WDR72: variants seen among roughly 807,000 people sequenced by gnomAD.
The protein encoded by WDR72 is WD repeat domain 72, also known as WD repeat-containing protein 72.
In WDR72, 120 loss-of-function variants were observed where a neutral mutation model predicts 124.2. The observed-to-expected ratio is 0.97, with a 90% CI of 0.83 to 1.12. WDR72 has a LOEUF of 1.12. Ranked by LOEUF, WDR72 falls within the 50% of genes most tolerant of loss-of-function variation. WDR72 has a pLI of 0.00. For synonymous variants in WDR72, 452 were observed against 441.7 expected (o/e 1.02, Z -0.29); for missense variants, 1,387 against 1,278.8 (o/e 1.08, Z -1.29).
Position 53,699,901 on chromosome 15 carries a change from G to T in WDR72, c.1614C>A (p.Ser538=), listed in dbSNP as rs146989277. 6.2e-7 allele frequency: 1 copy of T among 1,614,138 alleles called. No individual in the cohort carries two copies. The highest frequency in any genetic ancestry group is 1.3e-5 in the African/African-American group (1 of 75,028). Residue 538 remains serine, a synonymous_variant, in exon 13 of 20, where the codon TCC becomes TCA. Transcript: ENST00000360509. ...TTCCCTCAAGGTGAAGGAGAGCCACGGAATGGTCACCGCACACACAGCAAA... is the reference window on the plus strand; with the variant it reads ...TTCCCTCAAGGTGAAGGAGAGCCACTGAATGGTCACCGCACACACAGCAAA... The part of the protein sequence containing the change: ...QIICCVCGDH[S]VALLHLEGKS...
In WDR72 at chr15:53,623,201, T is replaced by A. The variant is rs564366161; in HGVS notation, c.1963-6958A>T. ...TGCAGATTTGTGGTTTGGGATATGA[T>A]TGATCCCAACACCCAGGTACTGAGC... On this transcript the variant is annotated intron_variant, in intron 14 of 19. Transcript: ENST00000360509. Among the ~76,000 whole-genome samples the A allele has an allele frequency of 7.3e-4, 111 of 152,226 alleles. 1 individual carries two copies. Among genetic ancestry groups the A allele is most frequent in the African/African-American group, 2.6e-3 (109 of 41,540 alleles).
intron 18 of WDR72, 34 bp from the exon 19 acceptor site, chr15:53,523,356 G>T: frequency 6.3e-7 from 1 of 1,578,222 alleles, no homozygotes; most frequent in African/African-American, 1.3e-5. Flanking sequence ...GAGAGAGACA[G>T]AAGAGAGAGG....
chr15:53,636,800 G>A (rs1225111219), intron 14 of WDR72, among the ~76,000 whole-genome samples: 1 of 152,112 alleles, frequency 6.6e-6, no homozygotes. Flanking sequence ...GACTGGAAGA[G>A]GCAACTTTTA....
At chr15:53,659,966 T>C (rs980675688) in intron 14 of WDR72, among the ~76,000 whole-genome samples, 4 of 152,044 alleles carry the variant, frequency 2.6e-5, no homozygotes, top group Non-Finnish European at 5.9e-5. Context: ...GAAATCTTAA[T>C]CCAATGTTTA....
chr15:53,574,064 CTG>C (rs776424560), intron 18 of WDR72, among the ~76,000 whole-genome samples: 1 of 152,172 alleles, frequency 6.6e-6, no homozygotes, highest in Admixed American at 6.6e-5. Flanking sequence ...TCCATTTCTG[CTG>C]TCTTTAACTG....
intron 18 of WDR72, among the ~76,000 whole-genome samples, chr15:53,536,259 G>A (rs538892685): frequency 1.5e-4 from 23 of 152,222 alleles, no homozygotes; most frequent in South Asian, 8.3e-4. Context: ...TCCCAGTAGC[G>A]TGTGCAGCTG....
intron 18 of WDR72, among the ~76,000 whole-genome samples, chr15:53,561,455 C>T (rs1268173842): frequency 1.3e-5 from 2 of 151,748 alleles, no homozygotes. Flanking sequence ...GGGTATTCCT[C>T]TACATAAAAT....
intron 13 of WDR72, among the ~76,000 whole-genome samples, chr15:53,685,377 G>A (rs1010165592): frequency 3.1e-5 from 4 of 129,440 alleles, no homozygotes; most frequent in African/African-American, 1.2e-4. Flanking sequence ...GGAGCTGATG[G>A]AGCTGAAAAC....
chr15:53,722,305 G>T (rs2017899597), intron 3 of WDR72, among the ~76,000 whole-genome samples: 1 of 152,104 alleles, frequency 6.6e-6, no homozygotes, highest in South Asian at 2.1e-4. Flanking sequence ...AAAGTGCTGG[G>T]ATTACAGGCA....
At chr15:53,633,852 CTGACCCTTGTG>C (rs2014524041) in intron 14 of WDR72, among the ~76,000 whole-genome samples, 1 of 152,204 alleles carries the variant, frequency 6.6e-6, no homozygotes, top group East Asian at 1.9e-4. Flanking sequence ...CAAGTTGCTA[CTGACCCTTGTG>C]TGTACACAAA....
chr15:53,648,551 C>T (rs1192976785), intron 14 of WDR72, among the ~76,000 whole-genome samples: 1 of 152,090 alleles, frequency 6.6e-6, no homozygotes, highest in Non-Finnish European at 1.5e-5. Flanking sequence ...AGAACTGGCT[C>T]ACCATTAAGT....
In WDR72 at chr15:53,515,086, T is replaced by TGTATACACACAC. The variant is rs34023014; in HGVS notation, c.*2612_*2613insGTGTGTGTATAC. ...ATATACACACATATATATGTATGTATACACACACACACACACACACAAATA... is the reference window on the plus strand; with the variant it reads ...ATATACACACATATATATGTATGTATGTATACACACACACACACACACACACACACACAAATA... On this transcript the variant is annotated 3_prime_UTR_variant, in exon 20 of 20. Transcript: ENST00000360509. 0.079 allele frequency: 6,856 copies of TGTATACACACAC among 86,634 alleles called. 613 individuals are homozygous for TGTATACACACAC. Among genetic ancestry groups the TGTATACACACAC allele is most frequent in the Middle Eastern group, 0.13 (21 of 158 alleles). 5.4% of individuals were successfully genotyped at this position (86,634 alleles called of 1,614,324 possible). A position where few individuals can be genotyped will look rare whatever the true frequency, so the allele number is the denominator to read the frequency against.
chr15:53,580,418 C>T (rs573101957), intron 18 of WDR72, among the ~76,000 whole-genome samples: 12 of 152,148 alleles, frequency 7.9e-5, no homozygotes, highest in South Asian at 4.2e-4. Context: ...AAAAGAATTG[C>T]GTGTACTTCT....
intron 5 of WDR72, 25 bp downstream of exon 5, chr15:53,715,168 C>T: frequency 1.9e-6 from 3 of 1,611,654 alleles, no homozygotes; most frequent in Non-Finnish European, 2.5e-6. Context: ...AATCTCTCTA[C>T]TGTCAGATAA....
intron 18 of WDR72, among the ~76,000 whole-genome samples, chr15:53,538,977 G>C (rs1201902164): frequency 6.6e-6 from 1 of 151,984 alleles, no homozygotes; most frequent in Non-Finnish European, 1.5e-5. Context: ...CTATATTTGA[G>C]CAAATTTCAA....
At chr15:53,546,850 C>T (rs981476312) in intron 18 of WDR72, among the ~76,000 whole-genome samples, 51 of 151,978 alleles carry the variant, frequency 3.4e-4, no homozygotes, top group African/African-American at 1.1e-3. Context: ...AAGTCTTAAG[C>T]GATTATAATG....
intron 18 of WDR72, among the ~76,000 whole-genome samples, chr15:53,557,804 G>A (rs775534436): frequency 4.8e-4 from 73 of 151,914 alleles, no homozygotes; most frequent in African/African-American, 1.6e-3. Flanking sequence ...TTCAAAAAAT[G>A]TTTTACATAT....
At chr15:53,733,606 T>G (rs1273307814) in intron 1 of WDR72, among the ~76,000 whole-genome samples, 1 of 152,156 alleles carries the variant, frequency 6.6e-6, no homozygotes, top group Non-Finnish European at 1.5e-5. Flanking sequence ...AATTTGCTAT[T>G]AAAAAAATAA....
At chr15:53,555,423 G>C (rs916420771) in intron 18 of WDR72, among the ~76,000 whole-genome samples, 2 of 151,892 alleles carry the variant, frequency 1.3e-5, no homozygotes, top group Non-Finnish European at 2.9e-5. Context: ...GGAAATGTAG[G>C]GGGAGAGAGA....
Sources: allele counts gnomAD v4.1 joint callset (sites outside exome capture counted in the v4.1 genomes callset), GRCh38; gene constraint gnomAD v4.1.1; transcripts MANE v1.5; gene names NCBI Gene and HGNC (gene_info 2026-07-23, HGNC 2026-07-21).